SLIT3: variants seen among roughly 807,000 people sequenced by gnomAD.
SLIT3 encodes the protein slit guidance ligand 3.
Under a neutral mutation model 184.0 loss-of-function variants are expected in SLIT3, and 68 were observed. The observed-to-expected ratio is 0.37, with a 90% CI of 0.30 to 0.45. SLIT3 has a LOEUF of 0.45. Ranked by LOEUF, SLIT3 falls within the 20% of genes least tolerant of loss-of-function variation. The probability of loss-of-function intolerance (pLI) is 1.00; values close to 1 mark genes in which losing one functional copy is unlikely to be tolerated. For missense variants in SLIT3, 1,707 were observed against 2,026.0 expected, an observed-to-expected ratio of 0.84 and a Z score of 3.02; for synonymous variants, 831 against 828.6, an observed-to-expected ratio of 1.00 and a Z score of -0.05.
intron 29 of SLIT3, among the ~76,000 whole-genome samples, chr5:168,690,964 T>C (rs1198610551): frequency 6.6e-6 from 1 of 152,070 alleles, no homozygotes; most frequent in Non-Finnish European, 1.5e-5. Context: ...TCTCAACCCA[T>C]CCAAATTCCA....
At chr5:168,760,698 A>G (rs1288045619) in intron 16 of SLIT3, among the ~76,000 whole-genome samples, 164 bp downstream of exon 16, 1 of 152,132 alleles carries the variant, frequency 6.6e-6, no homozygotes, top group Non-Finnish European at 1.5e-5. Context: ...GTCTGTGTCT[A>G]CATGTCTTGC....
chr5:168,797,769 T>C (rs1046327770), intron 9 of SLIT3, among the ~76,000 whole-genome samples: 6 of 152,208 alleles, frequency 3.9e-5, no homozygotes, highest in African/African-American at 1.4e-4. Context: ...GTAAACCATA[T>C]TGGCCCCATT....
intron 4 of SLIT3, among the ~76,000 whole-genome samples, chr5:169,032,922 A>ATTTTTTT (rs199911562): frequency 9.1e-5 from 8 of 88,128 alleles, no homozygotes; most frequent in African/African-American, 1.6e-4. Context: ...TTTTTCCTTG[A>ATTTTTTT]TTTTTTTTTT....
intron 4 of SLIT3, among the ~76,000 whole-genome samples, chr5:168,947,042 A>C (rs913090523): frequency 9.2e-5 from 14 of 152,138 alleles, no homozygotes; most frequent in Non-Finnish European, 4.4e-5. Flanking sequence ...TCTAGTTTCT[A>C]TATATTGTGG....
At chr5:168,762,933 C>G (rs1376739265) in intron 14 of SLIT3, among the ~76,000 whole-genome samples, 2 of 152,274 alleles carry the variant, frequency 1.3e-5, no homozygotes, top group East Asian at 3.9e-4. Flanking sequence ...AGACCAGACT[C>G]AAGATCTGTG....
At chr5:168,871,123 T>G (rs1759501299) in intron 5 of SLIT3, among the ~76,000 whole-genome samples, 1 of 152,224 alleles carries the variant, frequency 6.6e-6, no homozygotes, top group South Asian at 2.1e-4. Flanking sequence ...ACAATCTGTT[T>G]TCCTGTCTTT....
At chr5:169,013,461 C>T (rs900945616) in intron 4 of SLIT3, 1 of 152,228 alleles carries the variant, frequency 6.6e-6, no homozygotes, top group South Asian at 2.1e-4. Context: ...CAAAATGGGA[C>T]AGCTCTTTGG....
At chr5:168,949,137 C>G (rs1762571745) in intron 4 of SLIT3, among the ~76,000 whole-genome samples, 2 of 152,158 alleles carry the variant, frequency 1.3e-5, no homozygotes, top group Non-Finnish European at 2.9e-5. Context: ...CACCCCTGAA[C>G]AAGCTGACCT....
intron 3 of SLIT3, among the ~76,000 whole-genome samples, chr5:169,217,640 C>G (rs185485477): frequency 1.8e-4 from 28 of 152,314 alleles, no homozygotes; most frequent in Admixed American, 1.4e-3. Context: ...GGGTTCTTTA[C>G]TGCACGCTCA....
intron 3 of SLIT3, among the ~76,000 whole-genome samples, chr5:169,207,940 T>C (rs1764128438): frequency 6.6e-6 from 1 of 152,226 alleles, no homozygotes; most frequent in South Asian, 2.1e-4. Flanking sequence ...TTCCTTGATC[T>C]TGGACTTCCC....
chr5:169,209,120 C>T (rs547465380), intron 3 of SLIT3, among the ~76,000 whole-genome samples: 3 of 152,126 alleles, frequency 2.0e-5, no homozygotes, highest in African/African-American at 7.2e-5. Context: ...AAACATACAA[C>T]CCCATCAAAA....
At chr5:169,189,565 T>G (rs1048975452) in intron 4 of SLIT3, among the ~76,000 whole-genome samples, 1 of 76,260 alleles carries the variant, frequency 1.3e-5, no homozygotes, top group African/African-American at 4.8e-5. Context: ...TATATATATA[T>G]ATATATATAT....
intron 3 of SLIT3, among the ~76,000 whole-genome samples, chr5:169,217,993 CACCCAA>C (rs1473355092): frequency 5.3e-5 from 8 of 152,232 alleles, no homozygotes; most frequent in Admixed American, 2.6e-4. Flanking sequence ...TTTCGTCTCA[CACCCAA>C]ACTTGAAATT....
At chr5:168,795,611 C>G in intron 9 of SLIT3, 33 bp from the exon 10 acceptor site, 1 of 1,563,310 alleles carries the variant, frequency 6.4e-7, no homozygotes, top group Non-Finnish European at 8.8e-7. Context: ...GTGAATTAAC[C>G]ATCCACCTGT....
At position 168,961,069 on chromosome 5, in the gene SLIT3, C is replaced by T. The variant is rs183818865; in HGVS notation, c.414-77733G>A. 4.6e-5 allele frequency among the ~76,000 whole-genome samples: 7 copies of T among 152,278 alleles called. No homozygotes were observed. The South Asian group carries it at 8.3e-4, about 18-fold the overall frequency. ...GAGTCCATGGATAATCTCTAACATC[C>T]CCTCCAGCTCAGAAAATCTTCATTC... On this transcript the variant is annotated intron_variant, in intron 4 of 35. Coordinates refer to ENST00000519560, the MANE Select transcript of SLIT3 (RefSeq NM_003062.4).
At chr5:169,242,765 C>T (rs72837967) in intron 3 of SLIT3, among the ~76,000 whole-genome samples, 190 of 152,266 alleles carry the variant, frequency 1.2e-3, no homozygotes, top group Non-Finnish European at 1.7e-3. Flanking sequence ...TACACCAACA[C>T]GGAGAAATAA....
intron 34 of SLIT3, among the ~76,000 whole-genome samples, chr5:168,670,475 T>C (rs890452114): frequency 1.3e-5 from 2 of 152,058 alleles, no homozygotes; most frequent in African/African-American, 4.8e-5. Flanking sequence ...ATTTCACCCA[T>C]GGAAAAAAAT....
At chr5:168,820,209 G>A (rs1757478347) in intron 7 of SLIT3, among the ~76,000 whole-genome samples, 2 of 152,262 alleles carry the variant, frequency 1.3e-5, no homozygotes, top group Admixed American at 1.3e-4. Flanking sequence ...TGACAGCAAC[G>A]ACACAAGGGA....
At chr5:169,147,650 C>G (rs925001656) in intron 4 of SLIT3, among the ~76,000 whole-genome samples, 1 of 152,216 alleles carries the variant, frequency 6.6e-6, no homozygotes. Context: ...AAGTATTTAT[C>G]TTTCTATGGA....
Sources: gnomAD v4.1 joint callset for allele counts (sites outside exome capture counted in the v4.1 genomes callset) on GRCh38, gnomAD v4.1.1 for gene constraint, MANE v1.5 for transcripts, NCBI Gene and HGNC (gene_info 2026-07-23, HGNC 2026-07-21) for gene names.